The following DPP4 variants were observed in gnomAD, a reference collection of about 807,000 sequenced individuals.
DPP4 encodes the protein dipeptidyl peptidase 4, also known as ADCP-2.
Under a neutral mutation model 122.4 loss-of-function variants are expected in DPP4, and 93 were observed. That is an observed-to-expected ratio of 0.76 (90% CI 0.64 to 0.90). DPP4 has a LOEUF of 0.90. Ranked by LOEUF, DPP4 falls within the 40% of genes least tolerant of loss-of-function variation. The pLI, the probability that DPP4 is intolerant of heterozygous loss-of-function variation, is 0.00. For missense variants in DPP4, 914 were observed against 907.3 expected (o/e 1.01, Z -0.09); for synonymous variants, 321 against 302.9 (o/e 1.06, Z -0.62).
intron 8 of DPP4, among the ~76,000 whole-genome samples, chr2:162,036,768 C>T (rs914115949): frequency 6.6e-6 from 1 of 152,144 alleles, no homozygotes; most frequent in African/African-American, 2.4e-5. Flanking sequence ...ATTCATAGCT[C>T]ATTGCACAAA....
intron 23 of DPP4, among the ~76,000 whole-genome samples, chr2:161,998,620 A>T (rs1387225644): frequency 2.0e-5 from 3 of 152,212 alleles, no homozygotes; most frequent in Non-Finnish European, 2.9e-5. Flanking sequence ...GAGACATATA[A>T]ATACGCAGGA....
intron 19 of DPP4, among the ~76,000 whole-genome samples, chr2:162,012,689 A>G (rs1682747167): frequency 6.6e-6 from 1 of 151,976 alleles, no homozygotes; most frequent in Admixed American, 6.6e-5. Context: ...AAGCTCTGTA[A>G]AGCACTCTCA....
intron 20 of DPP4, among the ~76,000 whole-genome samples, chr2:162,011,363 A>G (rs1383666326): frequency 6.6e-6 from 1 of 152,170 alleles, no homozygotes; most frequent in Non-Finnish European, 1.5e-5. Flanking sequence ...AGGACTTCAG[A>G]GTTGTCACTG....
rs1053442581 is a variant in DPP4 at position 162,005,841 on chromosome 2, A to T, written c.1988-32T>A. The T allele has an allele frequency of 3.8e-6, 6 of 1,570,718 alleles. No homozygotes were observed. In the African/African-American group the frequency reaches 8.2e-5, roughly 21 times the overall value. On this transcript the variant is annotated intron_variant, in intron 22 of 25. Coordinates refer to ENST00000360534, the MANE Select transcript of DPP4 (RefSeq NM_001935.4). ...AAGAAAAAAAAATAAAAAAAAGTTT[A>T]ATTCATACAATAACAACTTTTCTTG...
intron 23 of DPP4, 88 bp downstream of exon 23, chr2:162,005,657 A>G (rs1354081372): frequency 3.4e-6 from 4 of 1,179,938 alleles, no homozygotes; most frequent in Non-Finnish European, 4.8e-6. Context: ...AAATAAAAAT[A>G]TGTATTTTCT....
chr2:162,048,656 G>A (rs1401023494), intron 2 of DPP4, among the ~76,000 whole-genome samples: 2 of 152,106 alleles, frequency 1.3e-5, no homozygotes, highest in Non-Finnish European at 2.9e-5. Flanking sequence ...TGTCTTCCCT[G>A]CTTTCCTGGT....
intron 5 of DPP4, among the ~76,000 whole-genome samples, chr2:162,040,310 G>A (rs900374650): frequency 1.3e-5 from 2 of 152,108 alleles, no homozygotes; most frequent in African/African-American, 4.8e-5. Context: ...CAACTAAGAT[G>A]TCATTCAACA....
At chr2:162,002,193 A>T (rs1033037572) in intron 23 of DPP4, among the ~76,000 whole-genome samples, 15 of 152,188 alleles carry the variant, frequency 9.9e-5, no homozygotes, top group African/African-American at 7.2e-5. Flanking sequence ...GAACAACTGC[A>T]CAAGGCATCC....
chr2:162,018,589 T>C (rs1683002810), intron 16 of DPP4, 140 bp downstream of exon 16: 3 of 1,099,514 alleles, frequency 2.7e-6, no homozygotes, highest in Non-Finnish European at 3.8e-6. Flanking sequence ...AGATTGTTTA[T>C]GCTCACTACT....
At chr2:162,044,946 C>A (rs1338791877) in intron 5 of DPP4, among the ~76,000 whole-genome samples, 1 of 150,358 alleles carries the variant, frequency 6.7e-6, no homozygotes, top group African/African-American at 2.5e-5. Context: ...TCTTCCTTTT[C>A]TTTTTCTTTC....
intron 2 of DPP4, among the ~76,000 whole-genome samples, chr2:162,059,411 T>C (rs781216771): frequency 6.6e-6 from 1 of 152,168 alleles, no homozygotes; most frequent in Non-Finnish European, 1.5e-5. Flanking sequence ...GATAAACACT[T>C]GAAAGGTGGA....
chr2:162,040,143 A>G (rs1683936257), intron 5 of DPP4, among the ~76,000 whole-genome samples: 1 of 152,142 alleles, frequency 6.6e-6, no homozygotes, highest in Non-Finnish European at 1.5e-5. Flanking sequence ...TTGAATCCAG[A>G]TATAAGAAAC....
chr2:162,028,292 A>G (rs908156568), intron 10 of DPP4, among the ~76,000 whole-genome samples: 1 of 152,058 alleles, frequency 6.6e-6, no homozygotes, highest in African/African-American at 2.4e-5. Flanking sequence ...AACCGGGCAG[A>G]CAGAGGTTGC....
intron 2 of DPP4, among the ~76,000 whole-genome samples, chr2:162,056,003 TA>T (rs894050513): frequency 1.3e-5 from 2 of 152,194 alleles, no homozygotes; most frequent in Non-Finnish European, 2.9e-5. Context: ...TTGCACTTGC[TA>T]TATGCTCTTC....
chr2:162,066,607 A>C (rs1684955277), intron 2 of DPP4, among the ~76,000 whole-genome samples: 1 of 152,204 alleles, frequency 6.6e-6, no homozygotes, highest in Admixed American at 6.5e-5. Flanking sequence ...TATACTGCTT[A>C]GGGCTAGATC....
intron 20 of DPP4, among the ~76,000 whole-genome samples, chr2:162,009,994 A>T (rs1380342489): frequency 6.6e-6 from 1 of 152,122 alleles, no homozygotes; most frequent in African/African-American, 2.4e-5. Flanking sequence ...ACTTAAAAAT[A>T]CCTGACAAAT....
chr2:162,023,150 T>A (rs1683197614), intron 11 of DPP4, among the ~76,000 whole-genome samples: 1 of 151,882 alleles, frequency 6.6e-6, no homozygotes, highest in Admixed American at 6.6e-5. Flanking sequence ...GACCTGGGGG[T>A]CATTCTAGAT....
intron 9 of DPP4, among the ~76,000 whole-genome samples, chr2:162,034,766 A>G (rs1012310282): frequency 6.6e-6 from 1 of 152,210 alleles, no homozygotes; most frequent in Non-Finnish European, 1.5e-5. Context: ...GTATCCCGTT[A>G]ACTAGTAATA....
At position 162,034,814 on chromosome 2, in the gene DPP4, G is replaced by T. The variant is rs368424978; in HGVS notation, c.774+350C>A. ...TAACTGAGCTTTGCAACTTCGTCGAGGGCACAATCCAACTTCTACAAATGA... is the reference window on the plus strand; with the variant it reads ...TAACTGAGCTTTGCAACTTCGTCGATGGCACAATCCAACTTCTACAAATGA... On this transcript the variant is annotated intron_variant, in intron 9 of 25. Transcript: ENST00000360534. Among the ~76,000 whole-genome samples, 13 of 152,216 alleles carry T rather than the reference G, an allele frequency of 8.5e-5. No homozygotes were observed. The East Asian group carries it at 1.4e-3, about 16-fold the overall frequency.
Sources: allele counts gnomAD v4.1 joint callset (sites outside exome capture counted in the v4.1 genomes callset), GRCh38; gene constraint gnomAD v4.1.1; transcripts MANE v1.5; gene names NCBI Gene and HGNC (gene_info 2026-07-23, HGNC 2026-07-21).